The following FRMD4B variants were observed in gnomAD, a reference collection of about 807,000 sequenced individuals.
The protein encoded by FRMD4B is FERM domain containing 4B.
A neutral mutation model predicts 141.5 loss-of-function variants in FRMD4B; 74 were observed. That is an observed-to-expected ratio of 0.52 (90% CI 0.43 to 0.63). FRMD4B has a LOEUF of 0.63. FRMD4B is among the 30% of genes least tolerant of loss of function. FRMD4B has a pLI of 0.00. For missense variants in FRMD4B, 1,366 were observed against 1,253.4 expected, an observed-to-expected ratio of 1.09 and a Z score of -1.36; for synonymous variants, 506 against 467.9, an observed-to-expected ratio of 1.08 and a Z score of -1.05.
intron 2 of FRMD4B, among the ~76,000 whole-genome samples, chr3:69,395,090 G>T (rs1704452262): frequency 6.6e-6 from 1 of 151,832 alleles, no homozygotes; most frequent in Non-Finnish European, 1.5e-5. Context: ...CTAGATGACG[G>T]GTTGATAGGT....
At chr3:69,208,648 C>G (rs4290807) in intron 11 of FRMD4B, among the ~76,000 whole-genome samples, 1 of 152,046 alleles carries the variant, frequency 6.6e-6, no homozygotes, top group African/African-American at 2.4e-5. Flanking sequence ...CCTGAACACA[C>G]CAAATGTCCC....
chr3:69,205,822 G>C (rs2093019630), intron 11 of FRMD4B, among the ~76,000 whole-genome samples: 1 of 152,190 alleles, frequency 6.6e-6, no homozygotes, highest in Non-Finnish European at 1.5e-5. Context: ...TAGGTGAAAT[G>C]TGCTGATGAA....
At chr3:69,173,326 T>A (rs770050623) in intron 22 of FRMD4B, among the ~76,000 whole-genome samples, 1 of 152,122 alleles carries the variant, frequency 6.6e-6, no homozygotes, top group African/African-American at 2.4e-5. Flanking sequence ...AGAAAAAAAA[T>A]TTTATTGGTA....
chr3:69,404,990 G>A (rs545423906), intron 2 of FRMD4B, among the ~76,000 whole-genome samples: 1 of 152,258 alleles, frequency 6.6e-6, no homozygotes. Context: ...GAAATGTGAG[G>A]TGCCAACTAT....
intron 2 of FRMD4B, among the ~76,000 whole-genome samples, chr3:69,394,319 G>T (rs1250810438): frequency 6.6e-6 from 1 of 152,198 alleles, no homozygotes; most frequent in African/African-American, 2.4e-5. Context: ...CCTCCCCAAA[G>T]CTCCACCAAA....
chr3:69,225,611 C>T (rs1323339256), intron 7 of FRMD4B, among the ~76,000 whole-genome samples: 1 of 126,846 alleles, frequency 7.9e-6, no homozygotes. Flanking sequence ...TGGAGAATGG[C>T]ATGAACCTGG....
intron 1 of FRMD4B, among the ~76,000 whole-genome samples, chr3:69,510,385 G>A (rs764689053): frequency 6.6e-6 from 1 of 152,120 alleles, no homozygotes; most frequent in Non-Finnish European, 1.5e-5. Flanking sequence ...ATGATTCATA[G>A]ACGTTTTATT....
chr3:69,260,474 G>A (rs376470330), intron 5 of FRMD4B, among the ~76,000 whole-genome samples: 48 of 152,310 alleles, frequency 3.2e-4, no homozygotes, highest in East Asian at 2.7e-3. Flanking sequence ...CACCTGCGTC[G>A]CGCTCGAATT....
intron 7 of FRMD4B, among the ~76,000 whole-genome samples, chr3:69,232,901 A>T (rs1423322987): frequency 7.4e-6 from 1 of 134,290 alleles, no homozygotes. Flanking sequence ...TGCAAATTTC[A>T]CTTTTGTTGT....
At chr3:69,338,622 A>C (rs1196115546) in intron 1 of FRMD4B, among the ~76,000 whole-genome samples, 1 of 152,192 alleles carries the variant, frequency 6.6e-6, no homozygotes, top group Non-Finnish European at 1.5e-5. Flanking sequence ...TGTAAGTGGG[A>C]GCTAAACATT....
At chr3:69,496,324 T>C (rs1352665633) in intron 1 of FRMD4B, among the ~76,000 whole-genome samples, 1 of 152,140 alleles carries the variant, frequency 6.6e-6, no homozygotes, top group Non-Finnish European at 1.5e-5. Context: ...ATACTCTTAG[T>C]GTTTGGGTTC....
chr3:69,296,761 A>C (rs138834953), intron 4 of FRMD4B, among the ~76,000 whole-genome samples: 21 of 152,318 alleles, frequency 1.4e-4, no homozygotes, highest in African/African-American at 4.3e-4. Context: ...GGCTTTAAAC[A>C]AATGCATGGT....
At chr3:69,204,424 C>T (rs769662124) in intron 11 of FRMD4B, among the ~76,000 whole-genome samples, 5 of 152,090 alleles carry the variant, frequency 3.3e-5, no homozygotes, top group Admixed American at 2.0e-4. Flanking sequence ...ACTGCAAATT[C>T]GCCTGGAAAT....
chr3:69,340,504 T>C (rs1346668694), intron 1 of FRMD4B, among the ~76,000 whole-genome samples: 1 of 152,254 alleles, frequency 6.6e-6, no homozygotes, highest in Non-Finnish European at 1.5e-5. Context: ...CTAAAAGTCA[T>C]GTTTTCATAG....
At chr3:69,342,319 C>T (rs1702766894) in intron 1 of FRMD4B, among the ~76,000 whole-genome samples, 2 of 152,284 alleles carry the variant, frequency 1.3e-5, no homozygotes, top group South Asian at 4.1e-4. Context: ...AGACAAAGTG[C>T]AGAGTCAAGT....
At chr3:69,430,474 G>T (rs1167129132) in intron 2 of FRMD4B, among the ~76,000 whole-genome samples, 2 of 152,156 alleles carry the variant, frequency 1.3e-5, no homozygotes, top group Admixed American at 1.3e-4. Context: ...CTGTTGTAAA[G>T]ATGTTGTCTG....
chr3:69,539,334 G>A (rs1481711559), intron 1 of FRMD4B, among the ~76,000 whole-genome samples: 1 of 152,188 alleles, frequency 6.6e-6, no homozygotes, highest in African/African-American at 2.4e-5. Flanking sequence ...GCTGAAACTA[G>A]AGGCCAGCGA....
chr3:69,256,806 A>G (rs919516225), intron 5 of FRMD4B, among the ~76,000 whole-genome samples: 4 of 151,506 alleles, frequency 2.6e-5, no homozygotes, highest in African/African-American at 9.7e-5. Flanking sequence ...TTTGCACCCC[A>G]CTCCTACTCA....
At chr3:69,507,935 A>C (rs1706626872) in intron 1 of FRMD4B, among the ~76,000 whole-genome samples, 2 of 152,202 alleles carry the variant, frequency 1.3e-5, no homozygotes, top group African/African-American at 4.8e-5. Flanking sequence ...GGTTATATGC[A>C]TGTTCCTACG....
Sources: gnomAD v4.1 joint callset for allele counts (sites outside exome capture counted in the v4.1 genomes callset) on GRCh38, gnomAD v4.1.1 for gene constraint, MANE v1.5 for transcripts, NCBI Gene and HGNC (gene_info 2026-07-23, HGNC 2026-07-21) for gene names.